NHSL3: variants seen among roughly 807,000 people sequenced by gnomAD.
NHSL3 encodes the protein NHS like 3, also known as NHS-like protein 3.
the NHSL3 span, among the ~76,000 whole-genome samples, chr1:32,766,259 T>G: frequency 2.0e-5 from 3 of 152,136 alleles, no homozygotes; most frequent in African/African-American, 7.2e-5. Flanking sequence ...GGCCTGGGAA[T>G]GGAGAAGTTT....
At chr1:32,769,697 CAT>C in the NHSL3 span, 1 of 1,613,832 alleles carries the variant, frequency 6.2e-7, no homozygotes. Flanking sequence ...CCCCATGACT[CAT>C]TTCCCAAATC....
chr1:32,767,898 C>G, the NHSL3 span: 1 of 1,614,086 alleles, frequency 6.2e-7, no homozygotes, highest in Non-Finnish European at 8.5e-7. Context: ...GGGCGACCCC[C>G]CCACCTGGAA....
chr1:32,771,169 C>T, the NHSL3 span: 1 of 1,611,788 alleles, frequency 6.2e-7, no homozygotes, highest in Non-Finnish European at 8.5e-7. Flanking sequence ...ACCTCCTCAC[C>T]CCAAGGTGCC....
the NHSL3 span, among the ~76,000 whole-genome samples, chr1:32,766,424 G>A: frequency 6.6e-6 from 1 of 152,120 alleles, no homozygotes; most frequent in South Asian, 2.1e-4. Flanking sequence ...CTGGAGTTGA[G>A]TCCAGGGTCA....
the NHSL3 span, among the ~76,000 whole-genome samples, chr1:32,751,909 C>T: frequency 6.6e-6 from 1 of 152,170 alleles, no homozygotes; most frequent in Non-Finnish European, 1.5e-5. Flanking sequence ...AGGAACCTGC[C>T]ACACTTCAGA....
the NHSL3 span, among the ~76,000 whole-genome samples, chr1:32,745,870 T>A: frequency 2.0e-5 from 3 of 151,984 alleles, no homozygotes; most frequent in Non-Finnish European, 4.4e-5. Context: ...ATGATGATTA[T>A]TGAGGGGGAT....
chr1:32,771,754 G>A, the NHSL3 span: 1 of 1,613,810 alleles, frequency 6.2e-7, no homozygotes, highest in Non-Finnish European at 8.5e-7. Context: ...CCCTCAGAAG[G>A]AACCGGTGGG....
the NHSL3 span, chr1:32,770,669 C>T: frequency 6.6e-7 from 1 of 1,525,928 alleles, no homozygotes; most frequent in Non-Finnish European, 8.8e-7. The surrounding 1 kb of genome is among the most constrained non-coding windows in gnomAD (Gnocchi z 8.3). Flanking sequence ...CTGAAGCGGC[C>T]TCCACCCCCT....
chr1:32,761,989 T>C, the NHSL3 span, among the ~76,000 whole-genome samples: 1 of 152,188 alleles, frequency 6.6e-6, no homozygotes, highest in Non-Finnish European at 1.5e-5. Context: ...TGAGTGAGAA[T>C]ACTGCTTTGC....
chr1:32,771,495 C>T, the NHSL3 span: 4 of 1,584,540 alleles, frequency 2.5e-6, no homozygotes, highest in East Asian at 2.3e-5. Context: ...GGCCCCCTCC[C>T]CCACCCCCTG....
the NHSL3 span, chr1:32,771,388 TATC>T: frequency 8.5e-5 from 91 of 1,067,282 alleles, no homozygotes; most frequent in Non-Finnish European, 1.1e-4. Context: ...ACCCCCATCT[TATC>T]ATCCACCCCC....
chr1:32,746,244 A>AAAAG, the NHSL3 span, among the ~76,000 whole-genome samples: 1,617 of 142,524 alleles, frequency 0.011, 64 homozygotes, highest in African/African-American at 0.025. Context: ...AAAAAAAAAA[A>AAAAG]AAACAAAAAA....
the NHSL3 span, chr1:32,768,587 A>G: frequency 3.1e-6 from 5 of 1,589,678 alleles, no homozygotes; most frequent in African/African-American, 6.7e-5. Flanking sequence ...ATTTGTCTCA[A>G]AAAAAAGTTC....
At chr1:32,762,659 G>A in the NHSL3 span, among the ~76,000 whole-genome samples, 49 of 151,836 alleles carry the variant, frequency 3.2e-4, no homozygotes, top group African/African-American at 1.1e-3. Context: ...CTGCGATCTC[G>A]GCTCACTGCA....
chr1:32,752,559 G>A, the NHSL3 span, among the ~76,000 whole-genome samples: 3 of 152,132 alleles, frequency 2.0e-5, no homozygotes, highest in Non-Finnish European at 4.4e-5. Flanking sequence ...ACAGAGGTGG[G>A]AGCGCCAGGC....
At chr1:32,745,568 AAAAAAAAAAAT>A in the NHSL3 span, among the ~76,000 whole-genome samples, 1 of 151,848 alleles carries the variant, frequency 6.6e-6, no homozygotes, top group African/African-American at 2.4e-5. Context: ...AAAAAAAAAA[AAAAAAAAAAAT>A]GGACAACTCT....
chr1:32,750,865 G>C, the NHSL3 span, among the ~76,000 whole-genome samples: 1 of 151,550 alleles, frequency 6.6e-6, no homozygotes, highest in African/African-American at 2.4e-5. Flanking sequence ...AGGCTGGAGT[G>C]CAGTGGTGTG....
At chr1:32,762,738 C>T in the NHSL3 span, among the ~76,000 whole-genome samples, 3 of 151,848 alleles carry the variant, frequency 2.0e-5, no homozygotes, top group Non-Finnish European at 4.4e-5. Flanking sequence ...TACAGGCGCC[C>T]GCCACCGCGC....
chr1:32,765,439 T>C, the NHSL3 span, among the ~76,000 whole-genome samples: 1 of 152,174 alleles, frequency 6.6e-6, no homozygotes, highest in East Asian at 1.9e-4. Context: ...GCAGGCAGGG[T>C]GAGTGATCTG....
Sources: allele counts gnomAD v4.1 joint callset (sites outside exome capture counted in the v4.1 genomes callset), GRCh38; gene constraint gnomAD v4.1.1; non-coding constraint Gnocchi (gnomAD v3.1); transcripts MANE v1.5; gene names NCBI Gene and HGNC (gene_info 2026-07-23, HGNC 2026-07-21).